Variants in KCNMA1 observed in about 807,000 individuals in gnomAD.
KCNMA1 encodes potassium calcium-activated channel subfamily M alpha 1.
KCNMA1 carries 29 observed loss-of-function variants against 140.0 expected under a neutral mutation model. That is an observed-to-expected ratio of 0.21 (90% CI 0.15 to 0.28). The LOEUF is 0.28. Ranked by LOEUF, KCNMA1 falls within the 10% of genes least tolerant of loss-of-function variation. KCNMA1 has a pLI of 1.00. For synonymous variants in KCNMA1, 612 were observed against 611.9 expected (o/e 1.00, Z 0.00); for missense variants, 880 against 1,602.2 (o/e 0.55, Z 7.70).
chr10:77,605,523 C>T (rs2154567029), intron 1 of KCNMA1, among the ~76,000 whole-genome samples: 1 of 152,278 alleles, frequency 6.6e-6, no homozygotes, highest in South Asian at 2.1e-4. Context: ...CTCAAAGGGG[C>T]CTGGAGACCT....
chr10:77,237,228 G>A lies in KCNMA1; in HGVS notation c.602+13967C>T, dbSNP rs191356179. Reference sequence around the variant, plus strand: ...GGCACTGTACTAAGAGCCTTTCCATGCAGTGTCTAATTGTTTCCACACACT... The same window carrying A: ...GGCACTGTACTAAGAGCCTTTCCATACAGTGTCTAATTGTTTCCACACACT... On this transcript the variant is annotated intron_variant, in intron 3 of 27. Coordinates refer to ENST00000286628, the MANE Select transcript of KCNMA1 (RefSeq NM_001161352.2). Among the ~76,000 whole-genome samples the A allele has an allele frequency of 1.4e-4, 21 of 152,276 alleles. No individual in the cohort carries two copies. The East Asian group carries it at 4.1e-3, about 29-fold the overall frequency.
intron 16 of KCNMA1, chr10:77,020,629 T>C (rs2092728752): frequency 6.6e-6 from 1 of 152,190 alleles, no homozygotes; most frequent in South Asian, 2.1e-4. Flanking sequence ...CTCCGCCAAC[T>C]CTTCACATGG....
At chr10:77,112,203 T>C (rs1335628118) in intron 7 of KCNMA1, among the ~76,000 whole-genome samples, 164 bp downstream of exon 7, 1 of 152,124 alleles carries the variant, frequency 6.6e-6, no homozygotes, top group African/African-American at 2.4e-5. Flanking sequence ...TAGTTTGGGG[T>C]AAAAAGGTTG....
At chr10:76,953,659 T>C (rs1384986568) in intron 21 of KCNMA1, 142 bp downstream of exon 21, 6 of 998,286 alleles carry the variant, frequency 6.0e-6, no homozygotes, top group South Asian at 1.3e-5. Context: ...GCTGCTTCAA[T>C]CTATGCTCAG....
intron 1 of KCNMA1, among the ~76,000 whole-genome samples, chr10:77,473,482 G>A (rs1237594525): frequency 6.6e-6 from 1 of 152,182 alleles, no homozygotes; most frequent in East Asian, 1.9e-4. Context: ...CATCCCCAGG[G>A]GGAGACCAGA....
chr10:77,418,489 A>G (rs1018598891), intron 1 of KCNMA1, among the ~76,000 whole-genome samples: 4 of 152,162 alleles, frequency 2.6e-5, no homozygotes, highest in Non-Finnish European at 5.9e-5. Context: ...GTGTGATTCA[A>G]TCTGGCTTCT....
At chr10:76,974,583 A>G in intron 19 of KCNMA1, 4 of 1,518,362 alleles carry the variant, frequency 2.6e-6, no homozygotes, top group African/African-American at 1.4e-5. Context: ...ACTGCCAAAC[A>G]ATAAGGAGAA....
At chr10:77,218,003 A>G (rs1167312563) in intron 3 of KCNMA1, among the ~76,000 whole-genome samples, 1 of 152,172 alleles carries the variant, frequency 6.6e-6, no homozygotes, top group Non-Finnish European at 1.5e-5. Flanking sequence ...ATATATCTCA[A>G]CATAATGGGA....
At chr10:77,190,484 T>C (rs984697760) in intron 3 of KCNMA1, among the ~76,000 whole-genome samples, 13 of 151,992 alleles carry the variant, frequency 8.6e-5, no homozygotes, top group African/African-American at 3.1e-4. Context: ...CCAGATGGAG[T>C]GCAGCCTTCT....
intron 1 of KCNMA1, among the ~76,000 whole-genome samples, chr10:77,427,279 C>A (rs561513764): frequency 6.6e-6 from 1 of 152,228 alleles, no homozygotes; most frequent in African/African-American, 2.4e-5. Flanking sequence ...CAAAACAATG[C>A]TCACAGCAGA....
At chr10:77,601,014 C>T (rs147570593) in intron 1 of KCNMA1, among the ~76,000 whole-genome samples, 2 of 152,302 alleles carry the variant, frequency 1.3e-5, no homozygotes, top group Non-Finnish European at 2.9e-5. Context: ...TCAGACATCC[C>T]TCCCACTGAG....
intron 21 of KCNMA1, among the ~76,000 whole-genome samples, chr10:76,952,912 C>G (rs1179473386): frequency 6.6e-6 from 1 of 152,198 alleles, no homozygotes; most frequent in African/African-American, 2.4e-5. Context: ...AGAAAGAACC[C>G]TTCCATCTGA....
chr10:77,343,346 G>C (rs1438631217), intron 2 of KCNMA1, among the ~76,000 whole-genome samples: 1 of 152,170 alleles, frequency 6.6e-6, no homozygotes, highest in African/African-American at 2.4e-5. Flanking sequence ...TGATTGTATA[G>C]ATAAAGAAAT....
At chr10:77,265,069 T>C (rs1600525721) in intron 2 of KCNMA1, among the ~76,000 whole-genome samples, 2 of 151,918 alleles carry the variant, frequency 1.3e-5, no homozygotes, top group East Asian at 3.9e-4. Context: ...TTTTTTTTCC[T>C]GAGACAGGGT....
chr10:77,349,999 A>G (rs1033419617), intron 2 of KCNMA1, among the ~76,000 whole-genome samples: 1 of 152,116 alleles, frequency 6.6e-6, no homozygotes, highest in Non-Finnish European at 1.5e-5. Context: ...CCCAGGCTCA[A>G]GCGATTCTCC....
At chr10:77,579,874 A>G (rs1276658852) in intron 1 of KCNMA1, among the ~76,000 whole-genome samples, 1 of 152,214 alleles carries the variant, frequency 6.6e-6, no homozygotes, top group Non-Finnish European at 1.5e-5. Flanking sequence ...GCAGTGAGGC[A>G]GGTGTCCCCG....
At chr10:76,967,064 A>G (rs562911509) in intron 20 of KCNMA1, among the ~76,000 whole-genome samples, 1 of 152,162 alleles carries the variant, frequency 6.6e-6, no homozygotes. Context: ...CTGCTGGCAG[A>G]TGATTTGGAA....
intron 3 of KCNMA1, among the ~76,000 whole-genome samples, chr10:77,214,171 G>T (rs189243693): frequency 5.4e-4 from 82 of 152,270 alleles, no homozygotes; most frequent in African/African-American, 1.9e-3. Context: ...ACTGCAAATT[G>T]ACACTCCATA....
intron 5 of KCNMA1, among the ~76,000 whole-genome samples, chr10:77,166,382 C>A (rs2098642445): frequency 6.6e-6 from 1 of 152,150 alleles, no homozygotes. Context: ...TGCTAAGTTA[C>A]AGGCTTTGTG....
Sources: gnomAD v4.1 joint callset for allele counts (sites outside exome capture counted in the v4.1 genomes callset) on GRCh38, gnomAD v4.1.1 for gene constraint, MANE v1.5 for transcripts, NCBI Gene and HGNC (gene_info 2026-07-23, HGNC 2026-07-21) for gene names.